The following BARX2 variants were observed in gnomAD, a reference collection of about 807,000 sequenced individuals.
BARX2 encodes homeobox protein BarH-like 2.
Under a neutral mutation model 25.5 loss-of-function variants are expected in BARX2, and 11 were observed. The ratio of observed to expected loss-of-function variants is 0.43; its 90% confidence interval spans 0.27 to 0.71. BARX2 has a LOEUF of 0.71. Among genes scored for constraint, BARX2 ranks in the 30% least tolerant of loss-of-function variants. BARX2 has a pLI of 0.19. For missense variants in BARX2, 360 were observed against 359.9 expected (o/e 1.00, Z 0.00); for synonymous variants, 137 against 149.5 (o/e 0.92, Z 0.61).
intron 1 of BARX2, among the ~76,000 whole-genome samples, chr11:129,395,605 C>G (rs1162954401): frequency 6.6e-6 from 1 of 152,206 alleles, no homozygotes; most frequent in East Asian, 1.9e-4. Context: ...TCAGCCCTCT[C>G]TCTCTGCACC....
At chr11:129,378,891 T>A (rs1231422117) in intron 1 of BARX2, among the ~76,000 whole-genome samples, 4 of 150,216 alleles carry the variant, frequency 2.7e-5, no homozygotes, top group African/African-American at 7.3e-5. Context: ...GCTCTGTGGA[T>A]TTAGTAACCT....
At chr11:129,427,620 T>A (rs974047904) in intron 1 of BARX2, among the ~76,000 whole-genome samples, 1 of 152,198 alleles carries the variant, frequency 6.6e-6, no homozygotes, top group Non-Finnish European at 1.5e-5. Flanking sequence ...AAACTGGAAA[T>A]GTGGGTGTGG....
chr11:129,436,759 T>G lies in BARX2; in HGVS notation c.196T>G (p.Ser66Ala), dbSNP rs1489685072. 6.4e-7 allele frequency: 1 copy of G among 1,572,266 alleles called. No homozygotes were observed. The highest frequency in any genetic ancestry group is 1.8e-5 in the Admixed American group (1 of 55,808). ...CCCTGCTTGTTTTCCAGGCTCCCCTTCCCTGCGGGCATATCCGCTCCTCTC... is the reference window on the plus strand; with the variant it reads ...CCCTGCTTGTTTTCCAGGCTCCCCTGCCCTGCGGGCATATCCGCTCCTCTC... ...KPLHSCTGSP[S>A]LRAYPLLSVI... The change falls in exon 2 of 4, where the codon TCC (serine) becomes GCC (alanine). Residue 66 changes from serine (S) to alanine (A), a missense_variant. Ser to Ala is a moderately conservative substitution (Grantham distance 99). This residue lies in a region of BARX2 where 240 missense variants were observed against 228.7 expected (regional missense o/e 1.05). Transcript: ENST00000281437. This position sits in a 1 kb window ranked among gnomAD's most constrained non-coding sequence, Gnocchi z 4.5.
chr11:129,423,953 G>A (rs1363584068), intron 1 of BARX2, among the ~76,000 whole-genome samples: 2 of 151,350 alleles, frequency 1.3e-5, no homozygotes, highest in African/African-American at 2.4e-5. Context: ...AGGTTCAAGC[G>A]ATTCTCCTGC....
chr11:129,443,702 G>A (rs575366363), intron 3 of BARX2, among the ~76,000 whole-genome samples: 5 of 152,266 alleles, frequency 3.3e-5, no homozygotes, highest in South Asian at 4.2e-4. Context: ...ACATCCCTAC[G>A]TTGTGAGGAA....
chr11:129,384,396 C>G (rs1861599293), intron 1 of BARX2, among the ~76,000 whole-genome samples: 1 of 152,130 alleles, frequency 6.6e-6, no homozygotes, highest in South Asian at 2.1e-4. Flanking sequence ...TGGGAAGTAC[C>G]TGGTACTGGC....
At chr11:129,380,182 G>C (rs1413642494) in intron 1 of BARX2, among the ~76,000 whole-genome samples, 1 of 151,968 alleles carries the variant, frequency 6.6e-6, no homozygotes, top group Non-Finnish European at 1.5e-5. Flanking sequence ...TACACACCCG[G>C]GACTAACCCG....
rs748420926 is a variant in BARX2 at position 129,376,920 on chromosome 11, A to T, written c.187+698A>T. Among the ~76,000 whole-genome samples, 41 of 152,254 alleles carry T rather than the reference A, an allele frequency of 2.7e-4. No individual in the cohort carries two copies. The highest frequency in any genetic ancestry group is 4.8e-4 in the Non-Finnish European group (33 of 68,044). On this transcript the variant is annotated intron_variant, in intron 1 of 3. Transcript: ENST00000281437. This position sits in a 1 kb window ranked among gnomAD's most constrained non-coding sequence, Gnocchi z 4.2. ...ACGGGAGGTAAGAGCAATAGTAAAG[A>T]TAAAGAGAACTTAATACATATATTG...
At chr11:129,410,805 C>T (rs1008325460) in intron 1 of BARX2, among the ~76,000 whole-genome samples, 1 of 152,116 alleles carries the variant, frequency 6.6e-6, no homozygotes, top group African/African-American at 2.4e-5. Context: ...AGGGTTCACC[C>T]CACAGTTCTG....
At chr11:129,417,720 T>C (rs985349848) in intron 1 of BARX2, among the ~76,000 whole-genome samples, 2 of 152,302 alleles carry the variant, frequency 1.3e-5, no homozygotes, top group African/African-American at 2.4e-5. Context: ...AGAGAGGAGA[T>C]GTTTGGCGAA....
chr11:129,412,402 T>C (rs1005377433), intron 1 of BARX2, among the ~76,000 whole-genome samples: 8 of 152,216 alleles, frequency 5.3e-5, no homozygotes, highest in African/African-American at 9.6e-5. Context: ...GGACTAAGCC[T>C]GGGAGGGTTC....
chr11:129,393,282 G>T (rs978927149), intron 1 of BARX2, among the ~76,000 whole-genome samples: 22 of 152,044 alleles, frequency 1.4e-4, no homozygotes, highest in Non-Finnish European at 2.5e-4. Flanking sequence ...GACAAATCCG[G>T]TCCTGATCAC....
intron 1 of BARX2, among the ~76,000 whole-genome samples, chr11:129,424,278 T>G (rs1303328284): frequency 6.6e-6 from 1 of 152,262 alleles, no homozygotes; most frequent in Non-Finnish European, 1.5e-5. Context: ...TGACTGTCTC[T>G]GACACTTGGA....
intron 1 of BARX2, among the ~76,000 whole-genome samples, chr11:129,386,690 G>C (rs561752264): frequency 6.6e-6 from 1 of 152,166 alleles, no homozygotes; most frequent in African/African-American, 2.4e-5. Context: ...CAACACCAAA[G>C]ACGTTTTTCT....
At chr11:129,417,895 T>C (rs1211237278) in intron 1 of BARX2, among the ~76,000 whole-genome samples, 4 of 152,240 alleles carry the variant, frequency 2.6e-5, no homozygotes. Context: ...CTTGTTCTGG[T>C]ACCCATCTTA....
intron 3 of BARX2, among the ~76,000 whole-genome samples, chr11:129,449,048 T>G (rs139522956): frequency 6.6e-6 from 1 of 152,126 alleles, no homozygotes; most frequent in East Asian, 1.9e-4. Context: ...GGGTAGGGGC[T>G]GGGGGAAAAT....
upstream of BARX2, among the ~76,000 whole-genome samples, chr11:129,375,468 G>T (rs995385921): frequency 2.0e-5 from 3 of 152,098 alleles, no homozygotes; most frequent in Admixed American, 6.5e-5. The surrounding 1 kb of genome is among the most constrained non-coding windows in gnomAD (Gnocchi z 4.0). Context: ...CAGGCAGTAA[G>T]GTGCTCATGG....
chr11:129,444,109 GAA>G (rs369194472), intron 3 of BARX2, among the ~76,000 whole-genome samples: 2 of 145,626 alleles, frequency 1.4e-5, no homozygotes, highest in Admixed American at 6.9e-5. Flanking sequence ...CAGTTTTCAG[GAA>G]AAAAAAAAAG....
At chr11:129,450,600 C>T (rs906618222) in intron 3 of BARX2, among the ~76,000 whole-genome samples, 1 of 152,118 alleles carries the variant, frequency 6.6e-6, no homozygotes, top group African/African-American at 2.4e-5. Context: ...CTGTTATAAC[C>T]AATATTGTGA....
Sources: allele counts gnomAD v4.1 joint callset (sites outside exome capture counted in the v4.1 genomes callset), GRCh38; gene constraint gnomAD v4.1.1; regional missense constraint gnomAD v4.1.1; non-coding constraint Gnocchi (gnomAD v3.1); transcripts MANE v1.5; gene names NCBI Gene and HGNC (gene_info 2026-07-23, HGNC 2026-07-21).